CNPY2: variants seen among roughly 807,000 people sequenced by gnomAD.
CNPY2 encodes canopy FGF signaling regulator 2.
CNPY2 carries 19 observed loss-of-function variants against 25.5 expected under a neutral mutation model. That is an observed-to-expected ratio of 0.74 (90% CI 0.52 to 1.09). The LOEUF is 1.09. Among genes scored for constraint, CNPY2 ranks in the 50% least tolerant of loss-of-function variants. The pLI, the probability that CNPY2 is intolerant of heterozygous loss-of-function variation, is 0.00. For synonymous variants in CNPY2, 82 were observed against 85.0 expected, an observed-to-expected ratio of 0.96 and a Z score of 0.19; for missense variants, 214 against 233.6, an observed-to-expected ratio of 0.92 and a Z score of 0.55.
At position 56,311,194 on chromosome 12, in the gene CNPY2, C is replaced by T. The variant is rs185029931; in HGVS notation, c.408+17G>A. On this transcript the variant is annotated intron_variant, in intron 4 of 5. Coordinates refer to ENST00000273308, the MANE Select transcript of CNPY2 (RefSeq NM_014255.7). ...CCCTTAATGTCCAAGAACCAGCTAC[C>T]GATTCCCATAGCTCACCGCAAACTT... 1.1e-4 allele frequency: 178 copies of T among 1,613,012 alleles called. No individual in the cohort carries two copies. The African/African-American group carries it at 1.6e-3, about 14-fold the overall frequency.
At position 56,310,157 on chromosome 12, in the gene CNPY2, T is replaced by C; in HGVS notation, c.*395A>G. On this transcript the variant is annotated 3_prime_UTR_variant, in exon 6 of 6. Transcript: ENST00000273308. ...TAGAATTCTACACTACCATACACTA[T>C]GTTCCCCTGCTTCCTCATGGAGGTT... The C allele has an allele frequency of 4.9e-6, 3 of 609,950 alleles. No homozygotes were observed. Among genetic ancestry groups the C allele is most frequent in the South Asian group, 4.0e-5 (2 of 49,992 alleles). 37.8% of individuals were successfully genotyped at this position (609,950 alleles called of 1,614,324 possible).
At position 56,310,599 on chromosome 12, in the gene CNPY2, C is replaced by CA. The variant is rs750326548; in HGVS notation, c.506-5dup. On this transcript the variant is annotated splice_region_variant and splice_polypyrimidine_tract_variant and intron_variant, in intron 5 of 5. Coordinates refer to ENST00000273308, the MANE Select transcript of CNPY2 (RefSeq NM_014255.7). ...TGCAGGGCATGGTCACAAAGATCTG[C>CA]AAATGGCAAACAATTTAAAGGAATA... The CA allele has an allele frequency of 4.3e-6, 7 of 1,614,166 alleles. No homozygotes were observed. The highest frequency in any genetic ancestry group is 5.9e-6 in the Non-Finnish European group (7 of 1,180,016).
Position 56,315,221 on chromosome 12 carries a change from T to C in CNPY2, c.-4A>G. 1 of 1,612,914 alleles carries C rather than the reference T, an allele frequency of 6.2e-7. No individual in the cohort carries two copies. The highest frequency in any genetic ancestry group is 8.5e-7 in the Non-Finnish European group (1 of 1,178,990). ...CCAGCCAACCCCAGCCTTTCATCTT[T>C]AGCGTAATGGGGTCGCTCCACCTGG... On this transcript the variant is annotated 5_prime_UTR_variant, in exon 2 of 6. Coordinates refer to ENST00000273308, the MANE Select transcript of CNPY2 (RefSeq NM_014255.7).
Position 56,314,930 on chromosome 12 carries a change from A to G in CNPY2, c.125T>C (p.Ile42Thr), listed in dbSNP as rs372058833. 2.5e-6 allele frequency: 4 copies of G among 1,613,960 alleles called. No homozygotes were observed. In the African/African-American group the frequency reaches 5.3e-5, roughly 22 times the overall value. ...RALVDELEWEIAQVDPKKTIQ... is the reference protein window; with the variant it reads ...RALVDELEWETAQVDPKKTIQ... ...GGTCTTCTTGGGGTCCACCTGGGCA[A>G]TTTCCCATTCTAGTTCATCCACCAG... is the stretch of plus-strand genomic sequence containing the variant. Residue 42 changes from isoleucine to threonine, a missense_variant, in exon 3 of 6, where the codon ATT (isoleucine) becomes ACT (threonine). Ile to Thr is a moderately conservative substitution (Grantham distance 89). Coordinates refer to ENST00000273308, the MANE Select transcript of CNPY2 (RefSeq NM_014255.7).
At position 56,311,340 on chromosome 12, in the gene CNPY2, C is replaced by A. The variant is rs758429591; in HGVS notation, c.279G>T (p.Gly93=). The change falls in exon 4 of 6, where the codon GGG becomes GGT. Residue 93 remains glycine, a synonymous_variant. Transcript: ENST00000273308. ...EEICDRMKEY[G]EQIDPSTHRK... ...GATGGGTGGAAGGATCAATCTGTTC[C>A]CCATACTCCTTCATCCGGTCACATA... The A allele has an allele frequency of 6.2e-6, 10 of 1,614,140 alleles. No homozygotes were observed. The highest frequency in any genetic ancestry group is 8.5e-6 in the Non-Finnish European group (10 of 1,180,022).
At chr12:56,312,033 C>A (rs1873731902) in intron 3 of CNPY2, 2 of 153,138 alleles carry the variant, frequency 1.3e-5, no homozygotes, top group Admixed American at 1.3e-4. Flanking sequence ...GCGCCCACCA[C>A]CACGCCCAGC....
intron 3 of CNPY2, among the ~76,000 whole-genome samples, chr12:56,313,216 C>T (rs1257229085): frequency 1.3e-5 from 2 of 152,010 alleles, no homozygotes; most frequent in African/African-American, 2.4e-5. Context: ...TTTGGCCGGG[C>T]GTGGTGGCTC....
rs1193470420 is a variant in CNPY2 at position 56,312,219 on chromosome 12, CTTCTTTTTTTTTTTTT to C, written c.205-821_205-806del. 9.6e-5 allele frequency among the ~76,000 whole-genome samples: 7 copies of C among 72,666 alleles called. No individual in the cohort carries two copies. In the Admixed American group the frequency reaches 1.0e-3, roughly 10 times the overall value. The allele number at this position is 72,666 out of a possible 152,430, so 47.7% of individuals were successfully genotyped here. A position where few individuals can be genotyped will look rare whatever the true frequency, so the allele number is the denominator to read the frequency against. ...TGGTTTACTTGATAGTTTCAAAGTA[CTTCTTTTTTTTTTTTT>C]TTTTTTTTTTTTTGAGACAGGCCTC... is the stretch of plus-strand genomic sequence containing the variant. On this transcript the variant is annotated intron_variant, in intron 3 of 5. Coordinates refer to ENST00000273308, the MANE Select transcript of CNPY2 (RefSeq NM_014255.7).
chr12:56,315,022 G>A, intron 2 of CNPY2, 56 bp from the exon 3 acceptor site: 2 of 1,604,352 alleles, frequency 1.2e-6, no homozygotes, highest in Non-Finnish European at 1.7e-6. Context: ...AGGGTGTGAG[G>A]AGAATGGGAT....
rs779409393 is a variant in CNPY2 at position 56,309,916 on chromosome 12, A to G, written c.*636T>C. On this transcript the variant is annotated 3_prime_UTR_variant, in exon 6 of 6. Coordinates refer to ENST00000273308, the MANE Select transcript of CNPY2 (RefSeq NM_014255.7). Reference sequence around the variant, plus strand: ...CTTAGGCTGGCAAGCAAGGCCTCTCATTAAACAACCTTCCTTACCTCGTCT... The same window carrying G: ...CTTAGGCTGGCAAGCAAGGCCTCTCGTTAAACAACCTTCCTTACCTCGTCT... 7.1e-6 allele frequency: 5 copies of G among 702,180 alleles called. No individual in the cohort carries two copies. The highest frequency in any genetic ancestry group is 1.0e-5 in the Non-Finnish European group (4 of 384,798). 43.5% of individuals were successfully genotyped at this position (702,180 alleles called of 1,614,324 possible). A position where few individuals can be genotyped will look rare whatever the true frequency, so the allele number is the denominator to read the frequency against.
At position 56,311,298 on chromosome 12, in the gene CNPY2, A is replaced by G. The variant is rs761307179; in HGVS notation, c.321T>C (p.Arg107=). Residue 107 remains arginine (R), a synonymous_variant, in exon 4 of 6, where the codon CGT becomes CGC. Transcript: ENST00000273308. The stretch of plus-strand genomic sequence containing the variant: ...TGGATTCTCCATTCCGGCCCACTAC[A>G]CGTACGTAGTTCTTGCGATGGGTGG... The part of the protein sequence containing the change: ...DPSTHRKNYV[R]VVGRNGESSE... The G allele has an allele frequency of 1.2e-6, 2 of 1,614,058 alleles. No individual in the cohort carries two copies. Among genetic ancestry groups the G allele is most frequent in the Admixed American group, 1.7e-5 (1 of 60,014 alleles).
chr12:56,313,545 G>A (rs1190352820), intron 3 of CNPY2, among the ~76,000 whole-genome samples: 3 of 151,802 alleles, frequency 2.0e-5, no homozygotes, highest in East Asian at 3.9e-4. Flanking sequence ...AGTAAGCACA[G>A]TATTAAAGAT....
chr12:56,315,195 G>T lies in CNPY2; in HGVS notation c.23C>A (p.Ala8Asp), dbSNP rs752507471. 1.4e-5 allele frequency: 22 copies of T among 1,613,982 alleles called. No homozygotes were observed. The East Asian group carries it at 4.7e-4, about 34-fold the overall frequency. The part of the protein sequence containing the change: MKGWGWL[A>D]LLLGALLGTA... ...TCCCAGCAGGGCCCCCAGAAGCAGG[G>T]CCAGCCAACCCCAGCCTTTCATCTT... is the stretch of plus-strand genomic sequence containing the variant. The change falls in exon 2 of 6, where the codon GCC (alanine) becomes GAC (aspartate). Residue 8 changes from alanine (A) to aspartate (D), a missense_variant. Ala to Asp is a moderately radical substitution (Grantham distance 126, BLOSUM62 -2). Transcript: ENST00000273308.
chr12:56,313,672 C>T (rs1873788730), intron 3 of CNPY2, among the ~76,000 whole-genome samples: 1 of 150,418 alleles, frequency 6.6e-6, no homozygotes, highest in African/African-American at 2.5e-5. Flanking sequence ...GTGGCACCAT[C>T]TCAGCTCACT....
At position 56,315,210 on chromosome 12, in the gene CNPY2, C is replaced by A; in HGVS notation, c.8G>T (p.Gly3Val). 1 of 1,613,874 alleles carries A rather than the reference C, an allele frequency of 6.2e-7. No homozygotes were observed. The highest frequency in any genetic ancestry group is 8.5e-7 in the Non-Finnish European group (1 of 1,179,826). Residue 3 changes from glycine to valine, a missense_variant, in exon 2 of 6, where the codon GGC becomes GTC. Transcript: ENST00000273308. Reference sequence around the variant, plus strand: ...CAGAAGCAGGGCCAGCCAACCCCAGCCTTTCATCTTTAGCGTAATGGGGTC... The same window carrying A: ...CAGAAGCAGGGCCAGCCAACCCCAGACTTTCATCTTTAGCGTAATGGGGTC... MKGWGWLALLLGA... is the reference protein window; with the variant it reads MKVWGWLALLLGA...
In CNPY2 at chr12:56,314,851, C is replaced by CT. The variant is rs1246673136; in HGVS notation, c.203dup (p.Val69GlyfsTer19). The stretch of plus-strand genomic sequence containing the variant: ...TGTTTGGGGGAACAGTAACAGTTAC[C>CT]TCCACCACTGACTGGCTGCCATCTG... On this transcript the variant is annotated frameshift_variant and splice_region_variant, in exon 3 of 6. Transcript: ENST00000273308. LOFTEE classifies it high-confidence loss of function. The CT allele has an allele frequency of 6.2e-7, 1 of 1,614,076 alleles. No homozygotes were observed. The highest frequency in any genetic ancestry group is 1.3e-5 in the African/African-American group (1 of 74,910).
At position 56,311,394 on chromosome 12, in the gene CNPY2, C is replaced by T. The variant is rs1474754550; in HGVS notation, c.225G>A (p.Glu75=). 1.6e-5 allele frequency: 26 copies of T among 1,614,040 alleles called. No homozygotes were observed. The highest frequency in any genetic ancestry group is 2.2e-5 in the Non-Finnish European group (26 of 1,180,038). Residue 75 remains glutamate (E), a synonymous_variant, in exon 4 of 6, where the codon GAG becomes GAA. Transcript: ENST00000273308. ...SVVEVPYARS[E]AHLTELLEEI... is the part of the protein sequence containing the mutation. ...CCTCCAGCAGCTCTGTGAGGTGGGC[C>T]TCTGAGCGGGCATAAGGCACCTAGA...
chr12:56,311,236 T>C lies in CNPY2; in HGVS notation c.383A>G (p.Asp128Gly). 1 of 1,614,120 alleles carries C rather than the reference T, an allele frequency of 6.2e-7. No individual in the cohort carries two copies. Among genetic ancestry groups the C allele is most frequent in the Non-Finnish European group, 8.5e-7 (1 of 1,179,974 alleles). ...LDLQGIRIDS[D>G]ISGTLKFACE... is the part of the protein sequence containing the mutation. The stretch of plus-strand genomic sequence containing the variant: ...CGCAAACTTGAGGGTGCCGCTAATA[T>C]CTGAGTCGATTCGGATGCCTTGTAG... Residue 128 changes from aspartate to glycine, a missense_variant, in exon 4 of 6, where the codon GAT becomes GGT. Physicochemically the swap from Asp to Gly is moderately conservative, Grantham distance 94 (BLOSUM62 -1). Coordinates refer to ENST00000273308, the MANE Select transcript of CNPY2 (RefSeq NM_014255.7).
chr12:56,311,680 T>C (rs7299351), intron 3 of CNPY2: 1 of 419,720 alleles, frequency 2.4e-6, no homozygotes, highest in East Asian at 5.7e-5. Context: ...GCCTCCTGAG[T>C]AGCTGGGACT....
Sources: allele counts gnomAD v4.1 joint callset (sites outside exome capture counted in the v4.1 genomes callset), GRCh38; gene constraint gnomAD v4.1.1; transcripts MANE v1.5; gene names NCBI Gene and HGNC (gene_info 2026-07-23, HGNC 2026-07-21).